The following MEI4 variants were observed in gnomAD, a reference collection of about 807,000 sequenced individuals.
MEI4 encodes meiotic double-stranded break formation protein 4.
Under a neutral mutation model 31.4 loss-of-function variants are expected in MEI4, and 27 were observed. That is an observed-to-expected ratio of 0.86 (90% CI 0.63 to 1.19). The LOEUF (loss-of-function observed/expected upper bound fraction) is 1.19. Ranked by LOEUF, MEI4 falls within the 50% of genes most tolerant of loss-of-function variation. The pLI is 0.00. For synonymous variants in MEI4, 122 were observed against 145.4 expected (o/e 0.84, Z 1.16); for missense variants, 329 against 398.9 (o/e 0.82, Z 1.49).
At chr6:77,798,836 G>C (rs1182353251) in intron 3 of MEI4, among the ~76,000 whole-genome samples, 2 of 151,774 alleles carry the variant, frequency 1.3e-5, no homozygotes, top group Non-Finnish European at 2.9e-5. Context: ...CATTTTTTAT[G>C]GCTGCGTAGT....
chr6:77,920,080 A>G (rs567714562), intron 4 of MEI4, among the ~76,000 whole-genome samples: 3 of 148,776 alleles, frequency 2.0e-5, no homozygotes, highest in Non-Finnish European at 3.0e-5. Flanking sequence ...ACAAGGAGGA[A>G]CTGGTACCAT....
At chr6:77,768,973 C>T (rs903950236) in intron 3 of MEI4, among the ~76,000 whole-genome samples, 1 of 152,136 alleles carries the variant, frequency 6.6e-6, no homozygotes, top group African/African-American at 2.4e-5. Context: ...GCTGTACCCC[C>T]TTTGCCTCCA....
chr6:77,683,463 A>G (rs971340231), intron 1 of MEI4, among the ~76,000 whole-genome samples: 2 of 152,158 alleles, frequency 1.3e-5, no homozygotes, highest in African/African-American at 4.8e-5. Context: ...GCAAAACATT[A>G]TTAACTATGT....
At chr6:77,769,902 C>G (rs1341024875) in intron 3 of MEI4, among the ~76,000 whole-genome samples, 1 of 151,888 alleles carries the variant, frequency 6.6e-6, no homozygotes, top group Non-Finnish European at 1.5e-5. Context: ...ATGTTGGCTT[C>G]AGGTGTGACC....
intron 3 of MEI4, among the ~76,000 whole-genome samples, chr6:77,821,643 A>G (rs1769828068): frequency 6.6e-6 from 1 of 151,790 alleles, no homozygotes; most frequent in African/African-American, 2.4e-5. Flanking sequence ...TAAAAATACA[A>G]AATTAGCCAG....
intron 4 of MEI4, among the ~76,000 whole-genome samples, chr6:77,837,264 T>G (rs980981667): frequency 2.0e-5 from 3 of 152,194 alleles, no homozygotes; most frequent in African/African-American, 7.2e-5. Context: ...TCTAGTTAAA[T>G]TGTAGTGTGA....
intron 4 of MEI4, among the ~76,000 whole-genome samples, chr6:77,864,384 AGATCT>A (rs1272486920): frequency 1.3e-5 from 2 of 152,202 alleles, no homozygotes; most frequent in Admixed American, 1.3e-4. Context: ...GGATGGAGGA[AGATCT>A]ACCAAGCAAA....
chr6:77,697,517 G>C (rs1211252596), intron 2 of MEI4, among the ~76,000 whole-genome samples: 1 of 152,018 alleles, frequency 6.6e-6, no homozygotes, highest in Non-Finnish European at 1.5e-5. Context: ...CCTTCATTTC[G>C]TTATGTACCC....
At chr6:77,758,015 G>T (rs1441811048) in intron 2 of MEI4, among the ~76,000 whole-genome samples, 1 of 152,060 alleles carries the variant, frequency 6.6e-6, no homozygotes, top group Non-Finnish European at 1.5e-5. Flanking sequence ...AATTAGCTGG[G>T]TGTGGTGGCA....
intron 3 of MEI4, among the ~76,000 whole-genome samples, chr6:77,795,719 A>G (rs938806359): frequency 2.6e-5 from 4 of 152,044 alleles, no homozygotes; most frequent in African/African-American, 9.7e-5. Context: ...AATCCTGAAG[A>G]AATAGAAAAT....
rs55947073 is a variant in MEI4, at chr6:77,883,745, A to ATATATATATATATATATCTAT, written c.901-39344_901-39343insTATATATATATATATATCTAT. On this transcript the variant is annotated intron_variant, in intron 4 of 4. Coordinates refer to ENST00000684080, the MANE Select transcript of MEI4 (RefSeq NM_001322247.2). ...ATATATATATATATATATATATATA[A>ATATATATATATATATATCTAT]CTTTGTCTTTGTCTATTCATTTATT... Among the ~76,000 whole-genome samples, 29 of 82,306 alleles carry ATATATATATATATATATCTAT rather than the reference A, an allele frequency of 3.5e-4. 1 individual carries two copies. In the East Asian group the frequency reaches 4.8e-3, roughly 14 times the overall value. 54.0% of individuals were successfully genotyped at this position (82,306 alleles called of 152,430 possible). A position where few individuals can be genotyped will look rare whatever the true frequency, so the allele number is the denominator to read the frequency against.
intron 3 of MEI4, among the ~76,000 whole-genome samples, chr6:77,788,219 C>T (rs1342171269): frequency 6.6e-6 from 1 of 152,174 alleles, no homozygotes; most frequent in Non-Finnish European, 1.5e-5. Flanking sequence ...ATGCTAAAAA[C>T]TCTCAATAAA....
chr6:77,691,908 G>A (rs2127652563), intron 2 of MEI4, among the ~76,000 whole-genome samples: 1 of 135,382 alleles, frequency 7.4e-6, no homozygotes, highest in South Asian at 2.2e-4. Flanking sequence ...CATAATTCTG[G>A]CAAGTTAGAA....
chr6:77,912,738 T>C (rs1766459845), intron 4 of MEI4, among the ~76,000 whole-genome samples: 1 of 152,134 alleles, frequency 6.6e-6, no homozygotes, highest in Non-Finnish European at 1.5e-5. Context: ...ATAAAAGATA[T>C]CATTTGCCTA....
chr6:77,870,795 G>C (rs1221003095), intron 4 of MEI4, among the ~76,000 whole-genome samples: 1 of 152,116 alleles, frequency 6.6e-6, no homozygotes, highest in African/African-American at 2.4e-5. Context: ...AAAGAAGCTT[G>C]TGTTTTGAAT....
chr6:77,915,292 G>A (rs1346578277), intron 4 of MEI4, among the ~76,000 whole-genome samples: 1 of 151,946 alleles, frequency 6.6e-6, no homozygotes, highest in East Asian at 1.9e-4. Context: ...CTGGTTGTAG[G>A]ACTCCTTTCA....
chr6:77,872,153 T>C (rs536826601), intron 4 of MEI4, among the ~76,000 whole-genome samples: 1 of 152,194 alleles, frequency 6.6e-6, no homozygotes, highest in Non-Finnish European at 1.5e-5. Flanking sequence ...GTTTAGAGCC[T>C]TTTAATAGCT....
At chr6:77,659,505 C>T (rs148044678) in intron 1 of MEI4, among the ~76,000 whole-genome samples, 2 of 151,896 alleles carry the variant, frequency 1.3e-5, no homozygotes, top group East Asian at 1.9e-4. Context: ...GGGGTAACTG[C>T]GTAGAGGGGG....
chr6:77,916,465 G>A (rs1039560956), intron 4 of MEI4, among the ~76,000 whole-genome samples: 2 of 151,966 alleles, frequency 1.3e-5, no homozygotes, highest in African/African-American at 2.4e-5. Context: ...ACATGGTGTT[G>A]GTTAGTTTGG....
Sources: gnomAD v4.1 joint callset for allele counts (sites outside exome capture counted in the v4.1 genomes callset) on GRCh38, gnomAD v4.1.1 for gene constraint, MANE v1.5 for transcripts, NCBI Gene and HGNC (gene_info 2026-07-23, HGNC 2026-07-21) for gene names.